The following CCDC73 variants were observed in gnomAD, a reference collection of about 807,000 sequenced individuals.
CCDC73 encodes the protein coiled-coil domain-containing protein 73.
CCDC73 carries 95 observed loss-of-function variants against 116.5 expected under a neutral mutation model. The ratio of observed to expected loss-of-function variants is 0.82; its 90% CI spans 0.69 to 0.97. The LOEUF (loss-of-function observed/expected upper bound fraction) is 0.97, where lower values mean the gene tolerates loss of function less well. Among genes scored for constraint, CCDC73 ranks in the 50% least tolerant of loss-of-function variants. The probability of loss-of-function intolerance (pLI) is 0.00; values close to 1 mark genes in which losing one functional copy is unlikely to be tolerated. For missense variants in CCDC73, 1,066 were observed against 1,206.8 expected, an observed-to-expected ratio of 0.88 and a Z score of 1.73; for synonymous variants, 398 against 401.3, an observed-to-expected ratio of 0.99 and a Z score of 0.10.
chr11:32,812,550 T>C, the CCDC73 span, among the ~76,000 whole-genome samples: 1 of 151,778 alleles, frequency 6.6e-6, no homozygotes, highest in East Asian at 1.9e-4. Context: ...ATGCCTGTGA[T>C]CCCAGCTACT....
At chr11:32,705,149 C>T (rs543344604) in intron 3 of CCDC73, among the ~76,000 whole-genome samples, 2 of 152,312 alleles carry the variant, frequency 1.3e-5, no homozygotes, top group South Asian at 2.1e-4. Context: ...GGGGCTAGGC[C>T]AGCCCAGGAG....
chr11:32,806,741 C>A, the CCDC73 span, among the ~76,000 whole-genome samples: 9 of 151,950 alleles, frequency 5.9e-5, no homozygotes, highest in African/African-American at 1.9e-4. Flanking sequence ...GCCTTAAAGG[C>A]AAAATGGTTA....
Position 32,776,989 on chromosome 11 carries a change from G to GTATATATA in CCDC73, c.-15-16739_-15-16732dup, listed in dbSNP as rs71063758. Among the ~76,000 whole-genome samples, 573 of 101,040 alleles carry GTATATATA rather than the reference G, an allele frequency of 5.7e-3. 4 individuals are homozygous for GTATATATA. Among genetic ancestry groups the GTATATATA allele is most frequent in the South Asian group, 8.6e-3 (24 of 2,776 alleles). The allele number at this position is 101,040 out of a possible 152,430, so 66.3% of individuals were successfully genotyped here. A position where few individuals can be genotyped will look rare whatever the true frequency, so the allele number is the denominator to read the frequency against. ...CACACACACATATATATATACACAT[G>GTATATATA]TATATATATATATATATATATATAT... On this transcript the variant is annotated intron_variant, in intron 1 of 17. Coordinates refer to ENST00000335185, the MANE Select transcript of CCDC73 (RefSeq NM_001008391.4).
chr11:32,779,258 TG>T (rs1314382354), intron 1 of CCDC73, among the ~76,000 whole-genome samples: 2 of 85,110 alleles, frequency 2.3e-5, no homozygotes, highest in African/African-American at 9.2e-5. Flanking sequence ...TGCCTTCATG[TG>T]GGGCAAAAAA....
At chr11:32,637,775 A>C (rs1219421432) in intron 13 of CCDC73, among the ~76,000 whole-genome samples, 1 of 151,688 alleles carries the variant, frequency 6.6e-6, no homozygotes, top group Admixed American at 6.6e-5. Context: ...CAAGTGTTCC[A>C]CTCTTTCCAC....
chr11:32,777,084 A>C (rs1850543710), intron 1 of CCDC73, among the ~76,000 whole-genome samples: 1 of 139,852 alleles, frequency 7.2e-6, no homozygotes. Context: ...TCTGTATGTA[A>C]TCTTTTTTTT....
At chr11:32,726,929 C>G (rs1850034306) in intron 2 of CCDC73, among the ~76,000 whole-genome samples, 1 of 151,964 alleles carries the variant, frequency 6.6e-6, no homozygotes, top group South Asian at 2.1e-4. Flanking sequence ...CAGCTGAAGC[C>G]ATGTTCAGAA....
chr11:32,763,091 GCAGC>G (rs1482185457), intron 1 of CCDC73, among the ~76,000 whole-genome samples: 2 of 152,212 alleles, frequency 1.3e-5, no homozygotes, highest in Non-Finnish European at 2.9e-5. Flanking sequence ...GGTAAACAAA[GCAGC>G]CAGGAAACCC....
chr11:32,712,823 T>C (rs926319831), intron 3 of CCDC73, among the ~76,000 whole-genome samples: 2 of 151,976 alleles, frequency 1.3e-5, no homozygotes, highest in African/African-American at 4.8e-5. Flanking sequence ...AATGCTTGAA[T>C]AGAAACAGGT....
chr11:32,719,659 T>A (rs1000853962), intron 2 of CCDC73, among the ~76,000 whole-genome samples: 2 of 152,160 alleles, frequency 1.3e-5, no homozygotes, highest in African/African-American at 4.8e-5. Flanking sequence ...AGCCCAGAAA[T>A]TAGATGTACT....
chr11:32,685,931 AG>A (rs1856195162), intron 6 of CCDC73, among the ~76,000 whole-genome samples: 1 of 151,876 alleles, frequency 6.6e-6, no homozygotes, highest in African/African-American at 2.4e-5. Flanking sequence ...CATGTTAGCC[AG>A]GATGGTCTCG....
intron 14 of CCDC73, among the ~76,000 whole-genome samples, chr11:32,627,721 CA>C (rs1424011759): frequency 1.3e-5 from 2 of 151,992 alleles, no homozygotes; most frequent in African/African-American, 4.8e-5. Flanking sequence ...ATCGCAAGGA[CA>C]AAAAACCAAA....
chr11:32,605,897 C>T lies in CCDC73; in HGVS notation c.3031-2877G>A, dbSNP rs1459853014. ...ATCACCTGTTTCTCTTTCAGCCTGA[C>T]TTACAAAATCTAATTTTTGGCCTAA... is the stretch of plus-strand genomic sequence containing the variant. On this transcript the variant is annotated intron_variant, in intron 17 of 17. Transcript: ENST00000335185. 4 of 152,144 alleles carry T rather than the reference C, an allele frequency of 2.6e-5. No individual in the cohort carries two copies. The East Asian group carries it at 7.7e-4, about 29-fold the overall frequency. 9.4% of individuals were successfully genotyped at this position (152,144 alleles called of 1,614,324 possible). A position where few individuals can be genotyped will look rare whatever the true frequency, so the allele number is the denominator to read the frequency against.
chr11:32,738,402 G>T (rs1443705335), intron 2 of CCDC73, among the ~76,000 whole-genome samples: 1 of 152,134 alleles, frequency 6.6e-6, no homozygotes. Flanking sequence ...TACTTTAACT[G>T]GGGTGAGATG....
intron 3 of CCDC73, among the ~76,000 whole-genome samples, chr11:32,708,331 G>A (rs1849872488): frequency 6.6e-6 from 1 of 152,120 alleles, no homozygotes; most frequent in Non-Finnish European, 1.5e-5. Flanking sequence ...TTGAAGTCAG[G>A]TAATGTGATG....
intron 2 of CCDC73, among the ~76,000 whole-genome samples, chr11:32,730,549 T>C (rs1242062585): frequency 1.3e-5 from 2 of 152,238 alleles, no homozygotes; most frequent in Non-Finnish European, 2.9e-5. Flanking sequence ...CTTAGTGTTG[T>C]TGCTTTGAAT....
intron 17 of CCDC73, chr11:32,605,160 CTTT>C (rs548347158): frequency 4.0e-5 from 5 of 125,678 alleles, no homozygotes; most frequent in Admixed American, 8.0e-5. Context: ...CCTAGTAATA[CTTT>C]TTTTTTTTTT....
intron 3 of CCDC73, among the ~76,000 whole-genome samples, chr11:32,703,787 C>T (rs1220201795): frequency 6.6e-6 from 1 of 152,132 alleles, no homozygotes; most frequent in African/African-American, 2.4e-5. Flanking sequence ...CTTCTCCCAC[C>T]TTTTTGGTGG....
intron 7 of CCDC73, among the ~76,000 whole-genome samples, chr11:32,678,003 G>C (rs947165408): frequency 6.8e-6 from 1 of 146,180 alleles, no homozygotes; most frequent in African/African-American, 2.5e-5. Context: ...TACAGGCCGA[G>C]CACAGTGGCT....
Sources: allele counts gnomAD v4.1 joint callset (sites outside exome capture counted in the v4.1 genomes callset), GRCh38; gene constraint gnomAD v4.1.1; transcripts MANE v1.5; gene names NCBI Gene and HGNC (gene_info 2026-07-23, HGNC 2026-07-21).